The following CCSER1 variants were observed in gnomAD, a reference collection of about 807,000 sequenced individuals.
CCSER1 encodes serine-rich coiled-coil domain-containing protein 1.
Under a neutral mutation model 82.0 loss-of-function variants are expected in CCSER1, and 41 were observed. The ratio of observed to expected loss-of-function variants is 0.50; its 90% CI spans 0.39 to 0.65. The LOEUF is 0.65. CCSER1 is among the 30% of genes least tolerant of loss of function. The probability of loss-of-function intolerance (pLI) is 0.00; values close to 1 mark genes in which losing one functional copy is unlikely to be tolerated. For synonymous variants in CCSER1, 414 were observed against 383.9 expected (o/e 1.08, Z -0.92); for missense variants, 1,119 against 1,064.2 (o/e 1.05, Z -0.72).
At chr4:91,411,616 A>G (rs891088796) in intron 10 of CCSER1, among the ~76,000 whole-genome samples, 1 of 147,194 alleles carries the variant, frequency 6.8e-6, no homozygotes, top group Non-Finnish European at 1.5e-5. Flanking sequence ...ATACACCTGT[A>G]TGGTGTTTAT....
intron 9 of CCSER1, among the ~76,000 whole-genome samples, chr4:90,943,673 C>CCCA (rs1731859261): frequency 1.3e-5 from 2 of 151,338 alleles, no homozygotes; most frequent in Non-Finnish European, 2.9e-5. Flanking sequence ...AGCAATCCTC[C>CCCA]TGCCTCAGCC....
At chr4:90,369,967 A>G (rs1747089695) in intron 3 of CCSER1, among the ~76,000 whole-genome samples, 1 of 152,070 alleles carries the variant, frequency 6.6e-6, no homozygotes, top group African/African-American at 2.4e-5. Flanking sequence ...TATGTCGTTA[A>G]TTTTTGTTTT....
At chr4:91,475,327 C>G (rs925531858) in intron 10 of CCSER1, among the ~76,000 whole-genome samples, 1 of 151,814 alleles carries the variant, frequency 6.6e-6, no homozygotes, top group Non-Finnish European at 1.5e-5. Flanking sequence ...AAGAAATGCT[C>G]TTACTTCACT....
At chr4:91,018,074 T>C (rs916140598) in intron 9 of CCSER1, among the ~76,000 whole-genome samples, 5 of 152,244 alleles carry the variant, frequency 3.3e-5, no homozygotes, top group African/African-American at 4.8e-5. Context: ...ATTAAACATA[T>C]AGAACTATCA....
chr4:91,523,077 G>A (rs979815652), intron 10 of CCSER1, among the ~76,000 whole-genome samples: 1 of 152,120 alleles, frequency 6.6e-6, no homozygotes, highest in African/African-American at 2.4e-5. Flanking sequence ...AGAGTTTTTA[G>A]CATGAAGGGC....
At chr4:91,254,515 A>G (rs1269565746) in intron 10 of CCSER1, among the ~76,000 whole-genome samples, 1 of 152,184 alleles carries the variant, frequency 6.6e-6, no homozygotes, top group African/African-American at 2.4e-5. Flanking sequence ...GGCTGGAAAC[A>G]GAATGGTGGT....
At chr4:90,412,800 A>G (rs760606716) in intron 4 of CCSER1, among the ~76,000 whole-genome samples, 1 of 152,222 alleles carries the variant, frequency 6.6e-6, no homozygotes, top group Non-Finnish European at 1.5e-5. Flanking sequence ...AGACAACATC[A>G]TACTGAATGG....
chr4:90,642,862 A>ATAC (rs1726793179), intron 6 of CCSER1, among the ~76,000 whole-genome samples: 1 of 151,108 alleles, frequency 6.6e-6, no homozygotes, highest in Non-Finnish European at 1.5e-5. Context: ...CTCAAAAATA[A>ATAC]ATACATACAT....
Position 91,443,315 on chromosome 4 carries a change from GC to G in CCSER1, c.2218-155256del, listed in dbSNP as rs572328911. 1.9e-4 allele frequency among the ~76,000 whole-genome samples: 29 copies of G among 152,182 alleles called. No homozygotes were observed. The East Asian group carries it at 5.0e-3, about 26-fold the overall frequency. On this transcript the variant is annotated intron_variant, in intron 10 of 10. Coordinates refer to ENST00000509176, the MANE Select transcript of CCSER1 (RefSeq NM_001145065.2). ...GCCATAAAAAATGATGAGTTCATGT[GC>G]TTTGTAGAGACATGGATGAAACTGG...
chr4:90,426,045 G>A (rs553281846), intron 4 of CCSER1, among the ~76,000 whole-genome samples: 36 of 152,160 alleles, frequency 2.4e-4, no homozygotes, highest in Non-Finnish European at 4.1e-4. Context: ...TGATAAAGTG[G>A]CATGGTGCCA....
At chr4:91,427,055 C>T (rs1754025200) in intron 10 of CCSER1, among the ~76,000 whole-genome samples, 1 of 152,108 alleles carries the variant, frequency 6.6e-6, no homozygotes. Context: ...TCAACTCTAG[C>T]AGCTAGTTCC....
chr4:90,364,971 A>AT (rs1746012638), intron 3 of CCSER1, among the ~76,000 whole-genome samples: 1 of 151,938 alleles, frequency 6.6e-6, no homozygotes, highest in African/African-American at 2.4e-5. Flanking sequence ...AATGATAGCT[A>AT]TTTTTAAGAA....
intron 10 of CCSER1, among the ~76,000 whole-genome samples, chr4:91,403,883 A>G (rs975073961): frequency 6.6e-6 from 1 of 152,172 alleles, no homozygotes; most frequent in Admixed American, 6.5e-5. Flanking sequence ...TCTGCCAGAC[A>G]TTGATACCAG....
At chr4:90,498,897 C>A (rs1769410024) in intron 5 of CCSER1, among the ~76,000 whole-genome samples, 2 of 152,006 alleles carry the variant, frequency 1.3e-5, no homozygotes, top group African/African-American at 2.4e-5. Flanking sequence ...GAAATGAAGA[C>A]AAAGATTAAA....
At chr4:91,411,829 C>A (rs1380717367) in intron 10 of CCSER1, among the ~76,000 whole-genome samples, 1 of 146,402 alleles carries the variant, frequency 6.8e-6, no homozygotes, top group African/African-American at 2.5e-5. Flanking sequence ...TGCCTATAAA[C>A]ATGACTAGTG....
intron 9 of CCSER1, among the ~76,000 whole-genome samples, chr4:90,946,086 GAT>G (rs1233691447): frequency 6.6e-6 from 1 of 152,024 alleles, no homozygotes; most frequent in East Asian, 1.9e-4. Context: ...ATTTTAATAA[GAT>G]AACTTTTTGC....
At chr4:91,254,939 A>T (rs2149154866) in intron 10 of CCSER1, among the ~76,000 whole-genome samples, 2 of 152,258 alleles carry the variant, frequency 1.3e-5, no homozygotes, top group South Asian at 4.1e-4. Flanking sequence ...AGTCTCTGGC[A>T]ACCATCATTC....
intron 1 of CCSER1, among the ~76,000 whole-genome samples, chr4:90,271,863 T>TATATATATATATATATATATATA (rs61116868): frequency 1.5e-4 from 3 of 19,774 alleles, no homozygotes; most frequent in African/African-American, 6.2e-4. Flanking sequence ...TATATATATA[T>TATATATATATATATATATATATA]TTTTTTTTTT....
chr4:90,454,499 G>T (rs1352470561), intron 4 of CCSER1, among the ~76,000 whole-genome samples: 1 of 152,130 alleles, frequency 6.6e-6, no homozygotes, highest in Admixed American at 6.5e-5. Context: ...TTTCTATCAT[G>T]TTTAGCTTGG....
Sources: gnomAD v4.1 joint callset for allele counts (sites outside exome capture counted in the v4.1 genomes callset) on GRCh38, gnomAD v4.1.1 for gene constraint, MANE v1.5 for transcripts, NCBI Gene and HGNC (gene_info 2026-07-23, HGNC 2026-07-21) for gene names.